CLVS1: variants seen among roughly 807,000 people sequenced by gnomAD.
CLVS1 encodes the protein clavesin-1.
A neutral mutation model predicts 33.1 loss-of-function variants in CLVS1; 10 were observed. That is an observed-to-expected ratio of 0.30 (90% CI 0.19 to 0.51). The LOEUF is 0.51. CLVS1 is among the 20% of genes least tolerant of loss of function. The pLI, the probability that CLVS1 is intolerant of heterozygous loss-of-function variation, is 0.97. For synonymous variants in CLVS1, 163 were observed against 166.1 expected (o/e 0.98, Z 0.14); for missense variants, 343 against 433.4 (o/e 0.79, Z 1.85).
intron 2 of CLVS1, among the ~76,000 whole-genome samples, chr8:61,242,792 C>CAA (rs569975134): frequency 2.2e-3 from 319 of 142,992 alleles, no homozygotes; most frequent in African/African-American, 7.3e-3. Flanking sequence ...GACCCTGCCT[C>CAA]AAAAAAAAAA....
intron 2 of CLVS1, among the ~76,000 whole-genome samples, chr8:61,229,792 G>C (rs900088202): frequency 6.6e-6 from 1 of 152,156 alleles, no homozygotes; most frequent in Non-Finnish European, 1.5e-5. Context: ...CACCATGCCT[G>C]GTTAATTTTT....
Position 61,176,072 on chromosome 8 carries a change from C to T in CLVS1, c.-152+44212C>T, listed in dbSNP as rs550798017. Among the ~76,000 whole-genome samples, 8 of 152,294 alleles carry T rather than the reference C, an allele frequency of 5.3e-5. No individual in the cohort carries two copies. The East Asian group carries it at 1.2e-3, about 22-fold the overall frequency. ...TTAAGGGCAATTGCAGCAATAACCT[C>T]AATTTTAATGTCTCTCTTTATTCAT... On this transcript the variant is annotated intron_variant, in intron 2 of 2. Coordinates refer to the CLVS1 transcript ENST00000522621.
chr8:61,228,345 G>A (rs536489209), intron 2 of CLVS1, among the ~76,000 whole-genome samples: 1 of 152,196 alleles, frequency 6.6e-6, no homozygotes, highest in South Asian at 2.1e-4. Context: ...TGCTCTCTTA[G>A]CAATTTTCAA....
At chr8:61,340,313 A>G (rs914121462) in intron 2 of CLVS1, among the ~76,000 whole-genome samples, 6 of 152,158 alleles carry the variant, frequency 3.9e-5, no homozygotes, top group Non-Finnish European at 7.4e-5. Flanking sequence ...CATCCTGCCT[A>G]ACTGAAATTT....
chr8:61,352,882 T>G (rs1241680137), intron 2 of CLVS1, among the ~76,000 whole-genome samples: 2 of 151,984 alleles, frequency 1.3e-5, no homozygotes, highest in African/African-American at 4.8e-5. Context: ...TTATAAGTAA[T>G]CTAGAAATGA....
chr8:61,474,005 A>C lies in CLVS1; in HGVS notation c.977+15463A>C, dbSNP rs183713770. On this transcript the variant is annotated intron_variant, in intron 5 of 5. Coordinates refer to ENST00000325897, the MANE Select transcript of CLVS1 (RefSeq NM_173519.3). Reference sequence around the variant, plus strand: ...AGAAAATTCTGGAGTGGGAAAAATCAGGAACTCAAAGGCATAAAGAGGCAA... The same window carrying C: ...AGAAAATTCTGGAGTGGGAAAAATCCGGAACTCAAAGGCATAAAGAGGCAA... Among the ~76,000 whole-genome samples the C allele has an allele frequency of 2.0e-3, 309 of 152,312 alleles. 3 individuals are homozygous for C. Among genetic ancestry groups the C allele is most frequent in the Admixed American group, 0.018 (269 of 15,294 alleles).
chr8:61,288,338 T>G (rs1309602682), intron 1 of CLVS1, 200 bp downstream of exon 1: 1 of 450,098 alleles, frequency 2.2e-6, no homozygotes, highest in East Asian at 7.0e-5. Context: ...CGGCGCCCGC[T>G]CAGCCTGCGC....
the CLVS1 span, among the ~76,000 whole-genome samples, chr8:61,022,615 T>A: frequency 6.6e-6 from 1 of 152,260 alleles, no homozygotes; most frequent in Non-Finnish European, 1.5e-5. Flanking sequence ...TTTGTTTTGC[T>A]TCTTGACTGT....
chr8:61,418,048 C>T (rs1815510486), intron 3 of CLVS1, among the ~76,000 whole-genome samples: 1 of 152,236 alleles, frequency 6.6e-6, no homozygotes, highest in African/African-American at 2.4e-5. Context: ...GGGCAGAAAT[C>T]TTGCTCTCAA....
the CLVS1 span, among the ~76,000 whole-genome samples, chr8:61,040,149 C>G: frequency 6.6e-6 from 1 of 152,214 alleles, no homozygotes; most frequent in Non-Finnish European, 1.5e-5. Context: ...CCAGCTACAT[C>G]CATATTTCTG....
At chr8:61,413,574 G>A (rs1815316355) in intron 3 of CLVS1, among the ~76,000 whole-genome samples, 2 of 152,194 alleles carry the variant, frequency 1.3e-5, no homozygotes, top group South Asian at 4.1e-4. Context: ...CAGAAAAACT[G>A]CAACTGATTA....
chr8:61,483,640 A>T (rs930718976), intron 5 of CLVS1, among the ~76,000 whole-genome samples: 4 of 152,206 alleles, frequency 2.6e-5, no homozygotes, highest in Admixed American at 2.0e-4. Context: ...GCAGAGACAC[A>T]ACAAAAAAAG....
intron 2 of CLVS1, among the ~76,000 whole-genome samples, chr8:61,362,165 A>G (rs995972131): frequency 1.3e-5 from 2 of 152,212 alleles, no homozygotes; most frequent in African/African-American, 4.8e-5. Flanking sequence ...TTTGGTCAAG[A>G]TGGGAGTCAT....
At chr8:61,418,571 T>C (rs142075262) in intron 3 of CLVS1, among the ~76,000 whole-genome samples, 1 of 152,218 alleles carries the variant, frequency 6.6e-6, no homozygotes, top group Non-Finnish European at 1.5e-5. Flanking sequence ...ATAAATATGG[T>C]GGAATTTCAT....
chr8:61,007,377 G>A, the CLVS1 span, among the ~76,000 whole-genome samples: 5 of 152,308 alleles, frequency 3.3e-5, no homozygotes, highest in South Asian at 1.0e-3. Flanking sequence ...AATTGTGGGA[G>A]GGTGGATTCT....
intron 3 of CLVS1, among the ~76,000 whole-genome samples, chr8:61,394,847 T>C (rs1199169865): frequency 6.9e-6 from 1 of 144,660 alleles, no homozygotes; most frequent in African/African-American, 2.4e-5. Flanking sequence ...CCAACACTTA[T>C]CATTCATCAT....
intron 3 of CLVS1, among the ~76,000 whole-genome samples, chr8:61,423,495 T>G (rs1815762294): frequency 6.6e-6 from 1 of 152,202 alleles, no homozygotes; most frequent in Non-Finnish European, 1.5e-5. Context: ...CCTGCTTTCC[T>G]TTTCTCACTT....
chr8:61,360,216 A>G (rs1812918720), intron 2 of CLVS1, among the ~76,000 whole-genome samples: 1 of 152,146 alleles, frequency 6.6e-6, no homozygotes. Flanking sequence ...CTTCCCAGAG[A>G]CCAGGATTTG....
At chr8:61,415,501 C>A (rs1218298714) in intron 3 of CLVS1, among the ~76,000 whole-genome samples, 1 of 152,198 alleles carries the variant, frequency 6.6e-6, no homozygotes, top group East Asian at 1.9e-4. Flanking sequence ...ATGGCTAAGC[C>A]ATCTAAAGGT....
Sources: allele counts gnomAD v4.1 joint callset (sites outside exome capture counted in the v4.1 genomes callset), GRCh38; gene constraint gnomAD v4.1.1; transcripts MANE v1.5; gene names NCBI Gene and HGNC (gene_info 2026-07-23, HGNC 2026-07-21).